XDH: variants seen among roughly 807,000 people sequenced by gnomAD.
XDH encodes the protein xanthine dehydrogenase/oxidase.
A neutral mutation model predicts 156.1 loss-of-function variants in XDH; 138 were observed. The observed-to-expected ratio is 0.88, with a 90% CI of 0.77 to 1.02. The LOEUF is 1.02. Ranked by LOEUF, XDH falls within the 50% of genes least tolerant of loss-of-function variation. XDH has a pLI of 0.00. For missense variants in XDH, 1,849 were observed against 1,684.9 expected (o/e 1.10, Z -1.71); for synonymous variants, 669 against 625.7 (o/e 1.07, Z -1.03).
intron 7 of XDH, 121 bp from the exon 8 acceptor site, chr2:31,388,018 G>A (rs943084697): frequency 8.2e-7 from 1 of 1,222,116 alleles, no homozygotes; most frequent in Non-Finnish European, 1.2e-6. Context: ...TGCAAGAGGA[G>A]CAGGTAATCC....
At chr2:31,386,809 A>G (rs1284948907) in intron 8 of XDH, among the ~76,000 whole-genome samples, 13 of 151,904 alleles carry the variant, frequency 8.6e-5, no homozygotes, top group African/African-American at 2.4e-5. Context: ...CAAGGAGGTT[A>G]TGGGACCTGC....
Position 31,347,668 on chromosome 2 carries a change from A to G in XDH, c.3148-18T>C. 1.9e-6 allele frequency: 3 copies of G among 1,612,098 alleles called. No individual in the cohort carries two copies. The highest frequency in any genetic ancestry group is 2.5e-6 in the Non-Finnish European group (3 of 1,178,574). ...CTGGCCACCTGCGAAAAGAGAAGAC[A>G]TTGCCCTCTAGGGAAGGGGTTATCA... On this transcript the variant is annotated intron_variant, in intron 28 of 35. Coordinates refer to ENST00000379416, the MANE Select transcript of XDH (RefSeq NM_000379.4).
At chr2:31,366,173 C>T in intron 21 of XDH, 64 bp from the exon 22 acceptor site, 1 of 1,613,836 alleles carries the variant, frequency 6.2e-7, no homozygotes, top group Non-Finnish European at 8.5e-7. Context: ...AGGCCTAAGG[C>T]AGAGCCTGTC....
chr2:31,383,913 C>T, intron 9 of XDH, 66 bp from the exon 10 acceptor site: 1 of 1,362,006 alleles, frequency 7.3e-7, no homozygotes, highest in Non-Finnish European at 1.0e-6. Context: ...GCCTTAGCAG[C>T]TTTTCTCACC....
intron 16 of XDH, among the ~76,000 whole-genome samples, chr2:31,372,839 A>G (rs1478096051): frequency 1.3e-5 from 2 of 152,214 alleles, no homozygotes; most frequent in East Asian, 3.8e-4. Flanking sequence ...ATACATGTCC[A>G]TATACACATA....
chr2:31,385,889 T>C (rs1221181173), intron 9 of XDH, among the ~76,000 whole-genome samples: 4 of 152,142 alleles, frequency 2.6e-5, no homozygotes, highest in Admixed American at 6.5e-5. Flanking sequence ...AAAAGCGACA[T>C]TTATGGAACC....
chr2:31,357,312 T>C (rs371825261), intron 24 of XDH, among the ~76,000 whole-genome samples: 1 of 151,342 alleles, frequency 6.6e-6, no homozygotes, highest in Non-Finnish European at 1.5e-5. Flanking sequence ...AAAACCCGGG[T>C]CTTTAAAAAG....
Position 31,335,721 on chromosome 2 carries a change from C to T in XDH, c.*237G>A, listed in dbSNP as rs1684954832. On this transcript the variant is annotated 3_prime_UTR_variant, in exon 36 of 36. Coordinates refer to ENST00000379416, the MANE Select transcript of XDH (RefSeq NM_000379.4). ...ATGATTAAAACAGACAGAAAATGAT[C>T]CTAATTGCATATTCACCATTTAGGC... 1.6e-6 allele frequency: 1 copy of T among 609,498 alleles called. No homozygotes were observed. The allele number at this position is 609,498 out of a possible 1,614,324, so 37.8% of individuals were successfully genotyped here.
At chr2:31,387,049 T>C (rs1256200568) in intron 8 of XDH, among the ~76,000 whole-genome samples, 1 of 135,098 alleles carries the variant, frequency 7.4e-6, no homozygotes, top group African/African-American at 2.8e-5. Flanking sequence ...GGAAGGAGTT[T>C]GTTATAAGGG....
intron 35 of XDH, 75 bp from the exon 36 acceptor site, chr2:31,336,083 C>T (rs1684964924): frequency 1.4e-6 from 2 of 1,470,360 alleles, no homozygotes; most frequent in Non-Finnish European, 1.9e-6. Flanking sequence ...CATACCTCAC[C>T]TCCCACCACT....
intron 6 of XDH, 41 bp from the exon 7 acceptor site, chr2:31,388,336 G>A: frequency 6.2e-7 from 1 of 1,603,544 alleles, no homozygotes; most frequent in Admixed American, 1.7e-5. Flanking sequence ...TATTTACAAA[G>A]AGTATTTGCA....
rs1686599442 is a variant in XDH, at chr2:31,386,507, C to T, written c.700G>A (p.Val234Met). Residue 234 changes from valine to methionine, a missense_variant, in exon 9 of 36, where the codon GTG becomes ATG. Coordinates refer to ENST00000379416, the MANE Select transcript of XDH (RefSeq NM_000379.4). ...AGGGTTGAGGCCTGTATCCACGTCA[C>T]ACGCTCCCCTTCAAATCGCAGCTGC... ...RKQLRFEGER[V>M]TWIQASTLKE... 1 of 1,614,052 alleles carries T rather than the reference C, an allele frequency of 6.2e-7. No homozygotes were observed. The highest frequency in any genetic ancestry group is 1.3e-5 in the African/African-American group (1 of 74,926).
intron 24 of XDH, among the ~76,000 whole-genome samples, chr2:31,352,885 C>CTT (rs35724511): frequency 0.65 from 91,593 of 140,148 alleles, 30,035 homozygotes; most frequent in East Asian, 0.75. Context: ...AAACTTTAAC[C>CTT]TTTTTTTTTT....
At chr2:31,383,889 T>C (rs746406989) in intron 9 of XDH, 42 bp from the exon 10 acceptor site, 27 of 1,583,332 alleles carry the variant, frequency 1.7e-5, no homozygotes, top group African/African-American at 1.3e-4. Flanking sequence ...CCCATTGTTG[T>C]ATCACCAGGG....
chr2:31,357,248 G>T (rs1685649347), intron 24 of XDH, among the ~76,000 whole-genome samples: 1 of 152,132 alleles, frequency 6.6e-6, no homozygotes, highest in Admixed American at 6.6e-5. Context: ...ATAAGGATAA[G>T]AGCAGAAATC....
chr2:31,368,394 C>A, intron 19 of XDH, 147 bp downstream of exon 19: 2 of 1,064,176 alleles, frequency 1.9e-6, no homozygotes, highest in Non-Finnish European at 2.8e-6. Context: ...TTTCATGGGA[C>A]CCCAAATCCC....
chr2:31,407,574 G>A (rs931774059), intron 1 of XDH, among the ~76,000 whole-genome samples: 9 of 152,212 alleles, frequency 5.9e-5, no homozygotes, highest in African/African-American at 2.2e-4. Context: ...CCCTGTGGTG[G>A]CCCTTGAAGA....
chr2:31,353,769 G>A (rs1685552427), intron 24 of XDH, among the ~76,000 whole-genome samples: 1 of 152,132 alleles, frequency 6.6e-6, no homozygotes, highest in Admixed American at 6.5e-5. Context: ...AAAAGAAAAC[G>A]TAGTCTCATT....
At chr2:31,347,759 TC>T in intron 28 of XDH, 109 bp from the exon 29 acceptor site, 1 of 1,426,506 alleles carries the variant, frequency 7.0e-7, no homozygotes, top group Non-Finnish European at 9.6e-7. Flanking sequence ...GAAAACAATT[TC>T]GTAAACTCTA....
Sources: allele counts gnomAD v4.1 joint callset (sites outside exome capture counted in the v4.1 genomes callset), GRCh38; gene constraint gnomAD v4.1.1; transcripts MANE v1.5; gene names NCBI Gene and HGNC (gene_info 2026-07-23, HGNC 2026-07-21).